SOX5: variants seen among roughly 807,000 people sequenced by gnomAD.
SOX5 encodes the protein transcription factor SOX-5.
SOX5 carries 9 observed loss-of-function variants against 92.0 expected under a neutral mutation model. The observed-to-expected ratio is 0.10, with a 90% CI of 0.06 to 0.17. SOX5 has a LOEUF of 0.17. Among genes scored for constraint, SOX5 ranks in the 10% least tolerant of loss-of-function variants. The pLI, the probability that SOX5 is intolerant of heterozygous loss-of-function variation, is 1.00. For missense variants in SOX5, 642 were observed against 944.5 expected, an observed-to-expected ratio of 0.68 and a Z score of 4.20; for synonymous variants, 344 against 336.3, an observed-to-expected ratio of 1.02 and a Z score of -0.25.
intron 1 of SOX5, among the ~76,000 whole-genome samples, chr12:24,374,298 G>C (rs926530671): frequency 6.6e-6 from 1 of 152,108 alleles, no homozygotes; most frequent in Non-Finnish European, 1.5e-5. Flanking sequence ...GGGTGGCAGC[G>C]AGAGCACAGG....
At position 23,533,248 on chromosome 12, in the gene SOX5, C is replaced by T; in HGVS notation, c.*971G>A. 2.3e-6 allele frequency: 1 copy of T among 426,046 alleles called. No homozygotes were observed. The highest frequency in any genetic ancestry group is 4.8e-6 in the Non-Finnish European group (1 of 209,060). 26.4% of individuals were successfully genotyped at this position (426,046 alleles called of 1,614,324 possible). ...CTATTATTAGTACCATAATCACATA[C>T]ATACATACACACAAAAATCCAAGAT... On this transcript the variant is annotated 3_prime_UTR_variant, in exon 15 of 15. Transcript: ENST00000451604.
chr12:24,095,124 CACACAGAGAG>C (rs1474787233), intron 4 of SOX5, among the ~76,000 whole-genome samples: 5,478 of 104,856 alleles, frequency 0.052, 141 homozygotes, highest in Middle Eastern at 0.17. Context: ...CACACACACA[CACACAGAGAG>C]AGAGAGAGAG....
intron 1 of SOX5, among the ~76,000 whole-genome samples, chr12:24,541,218 A>C (rs1413834537): frequency 6.6e-6 from 1 of 152,224 alleles, no homozygotes; most frequent in Non-Finnish European, 1.5e-5. Flanking sequence ...ATGTATGCAC[A>C]GTTCCAAAAT....
intron 3 of SOX5, among the ~76,000 whole-genome samples, chr12:23,839,866 A>G (rs1024064417): frequency 7.2e-5 from 11 of 151,738 alleles, no homozygotes; most frequent in Non-Finnish European, 1.2e-4. Context: ...CGCAGCTAAC[A>G]TCATACTTAA....
rs190061192 is a variant in SOX5, at chr12:23,987,507, G to T, written c.-1-91483C>A. Among the ~76,000 whole-genome samples, 31 of 152,212 alleles carry T rather than the reference G, an allele frequency of 2.0e-4. No homozygotes were observed. In the East Asian group the frequency reaches 5.4e-3, roughly 27 times the overall value. ...AGAGAGGCAACCACAACTCCATCATGAAGAGCTGGGTGTGGTGGTTCACCC... is the reference window on the plus strand; with the variant it reads ...AGAGAGGCAACCACAACTCCATCATTAAGAGCTGGGTGTGGTGGTTCACCC... On this transcript the variant is annotated intron_variant, in intron 4 of 4. Coordinates refer to the SOX5 transcript ENST00000446891.
intron 4 of SOX5, among the ~76,000 whole-genome samples, chr12:24,193,073 T>C (rs892681308): frequency 6.6e-6 from 1 of 152,116 alleles, no homozygotes; most frequent in Non-Finnish European, 1.5e-5. Context: ...TCTAAGGAAG[T>C]TTAAAAGCAC....
rs1183549421 is a variant in SOX5 at position 24,070,230 on chromosome 12, C to G, written c.-2+143113G>C. Among the ~76,000 whole-genome samples, 3 of 152,204 alleles carry G rather than the reference C, an allele frequency of 2.0e-5. No homozygotes were observed. The East Asian group carries it at 5.8e-4, about 29-fold the overall frequency. On this transcript the variant is annotated intron_variant, in intron 4 of 4. Coordinates refer to the SOX5 transcript ENST00000446891. Reference sequence around the variant, plus strand: ...ATGCTGTCCCTTCCGCTCCCTCCCCCTCCATTTCCACCCCTTCCTACAGAC... The same window carrying G: ...ATGCTGTCCCTTCCGCTCCCTCCCCGTCCATTTCCACCCCTTCCTACAGAC...
chr12:24,526,132 A>T (rs1345908190), intron 1 of SOX5, among the ~76,000 whole-genome samples: 1 of 152,138 alleles, frequency 6.6e-6, no homozygotes, highest in East Asian at 1.9e-4. Flanking sequence ...CAGGTGTGAG[A>T]CACTGCACCT....
chr12:23,864,913 G>C (rs1297147335), intron 2 of SOX5, among the ~76,000 whole-genome samples: 3 of 152,128 alleles, frequency 2.0e-5, no homozygotes, highest in African/African-American at 7.2e-5. Context: ...CTATTGGAGG[G>C]AGACACACCA....
chr12:23,564,828 C>T (rs1946796576), intron 10 of SOX5, among the ~76,000 whole-genome samples: 1 of 152,164 alleles, frequency 6.6e-6, no homozygotes, highest in African/African-American at 2.4e-5. Context: ...TTGCTAGACT[C>T]TTCTATCTGA....
chr12:24,102,354 G>A (rs972182151), intron 4 of SOX5, among the ~76,000 whole-genome samples: 3 of 152,066 alleles, frequency 2.0e-5, no homozygotes, highest in Non-Finnish European at 2.9e-5. Flanking sequence ...TGTTTCCCTG[G>A]AAAATGTCTC....
At chr12:24,426,379 C>G (rs1451363691) in intron 1 of SOX5, among the ~76,000 whole-genome samples, 1 of 152,174 alleles carries the variant, frequency 6.6e-6, no homozygotes, top group Non-Finnish European at 1.5e-5. Flanking sequence ...TTGATGGGTG[C>G]AGCAAACCAA....
At chr12:23,541,534 A>G (rs1262822006) in intron 13 of SOX5, among the ~76,000 whole-genome samples, 1 of 152,218 alleles carries the variant, frequency 6.6e-6, no homozygotes, top group East Asian at 1.9e-4. Context: ...AAATATAGTC[A>G]CAAAAGGGAA....
intron 3 of SOX5, among the ~76,000 whole-genome samples, chr12:23,805,674 A>G (rs1404406892): frequency 3.9e-5 from 6 of 152,326 alleles, no homozygotes; most frequent in Non-Finnish European, 7.4e-5. Context: ...GCCAAACACA[A>G]TATGTTAGAA....
At chr12:24,458,458 T>C (rs942967320) in intron 1 of SOX5, among the ~76,000 whole-genome samples, 10 of 152,166 alleles carry the variant, frequency 6.6e-5, no homozygotes, top group African/African-American at 2.4e-4. Context: ...ATGTTCAACG[T>C]GAGCTGAACG....
chr12:24,023,427 T>C (rs1374016574), intron 4 of SOX5, among the ~76,000 whole-genome samples: 1 of 152,148 alleles, frequency 6.6e-6, no homozygotes, highest in Non-Finnish European at 1.5e-5. Flanking sequence ...ATCCCAGTAA[T>C]AAAATGTATA....
upstream of SOX5, chr12:23,950,897 C>T: frequency 1.3e-6 from 2 of 1,534,522 alleles, no homozygotes; most frequent in Non-Finnish European, 1.7e-6. Flanking sequence ...ATGGTGGCTG[C>T]CCCGTGCACC....
At chr12:24,061,644 A>G (rs1939722900) in intron 4 of SOX5, among the ~76,000 whole-genome samples, 1 of 151,646 alleles carries the variant, frequency 6.6e-6, no homozygotes. Flanking sequence ...ACTTTCTTCC[A>G]TGTTACCCAA....
intron 1 of SOX5, among the ~76,000 whole-genome samples, chr12:24,424,373 C>A (rs1440276756): frequency 6.6e-6 from 1 of 152,136 alleles, no homozygotes. Context: ...ATGTTACACA[C>A]CTTAAAACAT....
Sources: gnomAD v4.1 joint callset for allele counts (sites outside exome capture counted in the v4.1 genomes callset) on GRCh38, gnomAD v4.1.1 for gene constraint, MANE v1.5 for transcripts, NCBI Gene and HGNC (gene_info 2026-07-23, HGNC 2026-07-21) for gene names.